MAGI2: variants seen among roughly 807,000 people sequenced by gnomAD.
MAGI2 encodes membrane associated guanylate kinase, WW and PDZ domain containing 2.
In MAGI2, 35 loss-of-function variants were observed where a neutral mutation model predicts 133.3. The ratio of observed to expected loss-of-function variants is 0.26; its 90% CI spans 0.20 to 0.35. The LOEUF (loss-of-function observed/expected upper bound fraction) is 0.35, where lower values mean the gene tolerates loss of function less well. Ranked by LOEUF, MAGI2 falls within the 10% of genes least tolerant of loss-of-function variation. The pLI is 1.00. For missense variants in MAGI2, 1,636 were observed against 1,863.4 expected (o/e 0.88, Z 2.25); for synonymous variants, 729 against 710.6 (o/e 1.03, Z -0.41).
chr7:78,903,338 C>T (rs1011689275), intron 2 of MAGI2, among the ~76,000 whole-genome samples: 14 of 151,640 alleles, frequency 9.2e-5, no homozygotes, highest in African/African-American at 3.1e-4. Flanking sequence ...GGACTACAGG[C>T]GCCCGCTACC....
At chr7:79,291,614 G>T (rs1836493126) in intron 1 of MAGI2, among the ~76,000 whole-genome samples, 1 of 152,060 alleles carries the variant, frequency 6.6e-6, no homozygotes, top group Non-Finnish European at 1.5e-5. Flanking sequence ...ATCCAAATGA[G>T]CATGAAGTGA....
chr7:79,358,320 C>T (rs1167945049), intron 1 of MAGI2, among the ~76,000 whole-genome samples: 1 of 151,784 alleles, frequency 6.6e-6, no homozygotes. Context: ...CTATTTTTAC[C>T]CAAGTCAACT....
intron 9 of MAGI2, among the ~76,000 whole-genome samples, chr7:78,257,306 C>T (rs1468446287): frequency 1.2e-4 from 18 of 152,228 alleles, no homozygotes; most frequent in Admixed American, 1.3e-4. Context: ...GTGTATGACA[C>T]ACAGTGCTCA....
chr7:78,310,866 T>C (rs1798643663), intron 9 of MAGI2, among the ~76,000 whole-genome samples: 1 of 152,216 alleles, frequency 6.6e-6, no homozygotes, highest in South Asian at 2.1e-4. Flanking sequence ...GTTACAGACA[T>C]GTTGATATTT....
chr7:78,635,053 A>C (rs939327898), intron 2 of MAGI2, among the ~76,000 whole-genome samples: 1 of 152,172 alleles, frequency 6.6e-6, no homozygotes, highest in Admixed American at 6.5e-5. Flanking sequence ...TTATTTATTA[A>C]TTGCTAAATT....
chr7:78,858,851 A>G (rs1332402509), intron 2 of MAGI2, among the ~76,000 whole-genome samples: 2 of 152,118 alleles, frequency 1.3e-5, no homozygotes, highest in African/African-American at 2.4e-5. Flanking sequence ...AAAGTCTCCC[A>G]TTATTATTGT....
At chr7:78,195,656 C>A (rs889273828) in intron 11 of MAGI2, among the ~76,000 whole-genome samples, 1 of 152,152 alleles carries the variant, frequency 6.6e-6, no homozygotes, top group Admixed American at 6.5e-5. Flanking sequence ...TCTGGTGGTT[C>A]CTCCCCCAGA....
At chr7:78,386,037 A>G (rs1795359653) in intron 6 of MAGI2, among the ~76,000 whole-genome samples, 1 of 152,172 alleles carries the variant, frequency 6.6e-6, no homozygotes, top group Admixed American at 6.6e-5. Flanking sequence ...TTTATTCCAA[A>G]GACCTGGCCA....
At chr7:79,148,269 CT>C (rs1822844913) in intron 1 of MAGI2, among the ~76,000 whole-genome samples, 1 of 152,108 alleles carries the variant, frequency 6.6e-6, no homozygotes, top group Non-Finnish European at 1.5e-5. Flanking sequence ...TGTTAGGATG[CT>C]TTGCTTCTCA....
intron 2 of MAGI2, among the ~76,000 whole-genome samples, chr7:78,685,554 T>C (rs1816195429): frequency 1.4e-5 from 2 of 147,950 alleles, no homozygotes; most frequent in African/African-American, 5.0e-5. Flanking sequence ...ATAACTTTTA[T>C]TTCATTTCCA....
At chr7:78,928,553 C>A (rs1451250140) in intron 2 of MAGI2, among the ~76,000 whole-genome samples, 1 of 151,936 alleles carries the variant, frequency 6.6e-6, no homozygotes, top group African/African-American at 2.4e-5. Flanking sequence ...ACCCAATAGC[C>A]ATGTCTAAAG....
intron 3 of MAGI2, among the ~76,000 whole-genome samples, chr7:78,585,835 G>A (rs1422268097): frequency 6.6e-6 from 1 of 152,168 alleles, no homozygotes; most frequent in Non-Finnish European, 1.5e-5. Context: ...AGTCTTGCAT[G>A]ATCAGATGTA....
chr7:78,300,424 T>C (rs1361199892), intron 9 of MAGI2, among the ~76,000 whole-genome samples: 1 of 152,168 alleles, frequency 6.6e-6, no homozygotes, highest in South Asian at 2.1e-4. Flanking sequence ...GGATTGCTGA[T>C]TGAAAGAAGT....
At chr7:79,034,272 A>C (rs1040018730) in intron 1 of MAGI2, among the ~76,000 whole-genome samples, 2 of 152,176 alleles carry the variant, frequency 1.3e-5, no homozygotes, top group Non-Finnish European at 2.9e-5. Flanking sequence ...CTGCTTAATA[A>C]AAATATTGTT....
Position 78,237,355 on chromosome 7 carries a change from T to C in MAGI2, c.2047+18588A>G, listed in dbSNP as rs188582871. Among the ~76,000 whole-genome samples the C allele has an allele frequency of 4.2e-3, 637 of 152,330 alleles. 4 individuals carry two copies. The highest frequency in any genetic ancestry group is 4.3e-3 in the Non-Finnish European group (294 of 68,034). On this transcript the variant is annotated intron_variant, in intron 10 of 21. Transcript: ENST00000354212. ...AGGGTACATGTGCAGGTTTGTCATATGGATATATTGTGTAATGGTGAGCTT... is the reference window on the plus strand; with the variant it reads ...AGGGTACATGTGCAGGTTTGTCATACGGATATATTGTGTAATGGTGAGCTT...
intron 3 of MAGI2, among the ~76,000 whole-genome samples, chr7:78,539,329 T>A (rs1798222442): frequency 6.6e-6 from 1 of 152,192 alleles, no homozygotes; most frequent in Non-Finnish European, 1.5e-5. Context: ...TTGATTTGTG[T>A]ATGTTAAAAC....
At chr7:79,280,403 C>G (rs551427942) in intron 1 of MAGI2, among the ~76,000 whole-genome samples, 30 of 151,698 alleles carry the variant, frequency 2.0e-4, no homozygotes, top group African/African-American at 7.0e-4. Flanking sequence ...AGATACCTAT[C>G]CAAGTCCAAT....
At chr7:79,388,363 A>C (rs1844347109) in intron 1 of MAGI2, among the ~76,000 whole-genome samples, 1 of 151,944 alleles carries the variant, frequency 6.6e-6, no homozygotes, top group African/African-American at 2.4e-5. Flanking sequence ...CAATACAGGT[A>C]ATCAGAGAGA....
chr7:79,177,753 G>A (rs528125043), intron 1 of MAGI2, among the ~76,000 whole-genome samples: 1 of 152,024 alleles, frequency 6.6e-6, no homozygotes, highest in Admixed American at 6.5e-5. Context: ...AATATTATAA[G>A]GTGTCTGATT....
Sources: gnomAD v4.1 joint callset for allele counts (sites outside exome capture counted in the v4.1 genomes callset) on GRCh38, gnomAD v4.1.1 for gene constraint, MANE v1.5 for transcripts, NCBI Gene and HGNC (gene_info 2026-07-23, HGNC 2026-07-21) for gene names.